Variants in MCPH1 observed in about 807,000 individuals in gnomAD.
MCPH1 encodes the protein microcephalin.
Under a neutral mutation model 84.5 loss-of-function variants are expected in MCPH1, and 104 were observed. That is an observed-to-expected ratio of 1.23 (90% CI 1.05 to 1.45). MCPH1 has a LOEUF of 1.45. Ranked by LOEUF, MCPH1 falls within the 40% of genes most tolerant of loss-of-function variation. The probability of loss-of-function intolerance (pLI) is 0.00; values close to 1 mark genes in which losing one functional copy is unlikely to be tolerated. For missense variants in MCPH1, 1,498 were observed against 1,005.7 expected, an observed-to-expected ratio of 1.49 and a Z score of -6.62; for synonymous variants, 514 against 366.8, an observed-to-expected ratio of 1.40 and a Z score of -4.58.
At chr8:6,494,271 C>T (rs1173699055) in intron 11 of MCPH1, 2 of 152,196 alleles carry the variant, frequency 1.3e-5, no homozygotes, top group African/African-American at 4.8e-5. Context: ...GAATTCAGCT[C>T]TTCCTCAATT....
chr8:6,621,093 C>T, intron 12 of MCPH1: 1 of 350,888 alleles, frequency 2.8e-6, no homozygotes, highest in Non-Finnish European at 5.4e-6. Flanking sequence ...ATCTTGCCGT[C>T]ACTTGCACAC....
chr8:6,461,711 G>T (rs1371579046), intron 9 of MCPH1, among the ~76,000 whole-genome samples: 5 of 152,114 alleles, frequency 3.3e-5, no homozygotes, highest in African/African-American at 9.7e-5. Context: ...GCAGCATGTA[G>T]GTCATTGACA....
intron 2 of MCPH1, among the ~76,000 whole-genome samples, chr8:6,410,811 G>C (rs1422330455): frequency 6.6e-6 from 1 of 152,108 alleles, no homozygotes; most frequent in Non-Finnish European, 1.5e-5. Flanking sequence ...GCATAGTTGG[G>C]ATTCATGGAA....
At chr8:6,587,224 GA>G in intron 12 of MCPH1, among the ~76,000 whole-genome samples, 1 of 152,096 alleles carries the variant, frequency 6.6e-6, no homozygotes, top group Non-Finnish European at 1.5e-5. Context: ...ATGACTCACT[GA>G]AGTCTGGCAA....
At chr8:6,581,316 G>C (rs1827547316) in intron 12 of MCPH1, among the ~76,000 whole-genome samples, 1 of 152,152 alleles carries the variant, frequency 6.6e-6, no homozygotes. Flanking sequence ...CACACACACA[G>C]AATTGCAACC....
At chr8:6,508,164 C>G (rs1348005415) in intron 12 of MCPH1, 1 of 152,130 alleles carries the variant, frequency 6.6e-6, no homozygotes, top group Non-Finnish European at 1.5e-5. Flanking sequence ...AAAAAGACAG[C>G]TGGGGCCGGG....
intron 12 of MCPH1, among the ~76,000 whole-genome samples, chr8:6,509,891 G>A (rs1198713476): frequency 4.6e-5 from 7 of 152,202 alleles, no homozygotes; most frequent in Admixed American, 2.6e-4. Flanking sequence ...TCACAGGACT[G>A]ACTGGGACCT....
chr8:6,564,509 T>C (rs10108504), intron 12 of MCPH1, among the ~76,000 whole-genome samples: 16,933 of 152,180 alleles, frequency 0.11, 1,100 homozygotes, highest in African/African-American at 0.18. Flanking sequence ...TAAAACTTAA[T>C]ACTTCAGAGA....
At chr8:6,569,016 C>A (rs1193619684) in intron 12 of MCPH1, among the ~76,000 whole-genome samples, 4 of 152,212 alleles carry the variant, frequency 2.6e-5, no homozygotes, top group Admixed American at 1.3e-4. Flanking sequence ...GCGCCTGGCA[C>A]ACTAAGCTGG....
chr8:6,576,682 A>ATTTT lies in MCPH1; in HGVS notation c.2215-44730_2215-44727dup, dbSNP rs58486084. ...GCCACCACGCTCTGCTAATTTTTGT[A>ATTTT]TTTTTTTTTTTTTTTTTTTTTTTTT... is the stretch of plus-strand genomic sequence containing the variant. On this transcript the variant is annotated intron_variant, in intron 12 of 13. Transcript: ENST00000344683. Among the ~76,000 whole-genome samples the ATTTT allele has an allele frequency of 4.5e-4, 19 of 42,342 alleles. 2 individuals carry two copies. The highest frequency in any genetic ancestry group is 2.3e-3 in the Admixed American group (6 of 2,624). The allele number at this position is 42,342 out of a possible 152,430, so 27.8% of individuals were successfully genotyped here. A position where few individuals can be genotyped will look rare whatever the true frequency, so the allele number is the denominator to read the frequency against.
chr8:6,431,918 G>T (rs989154817), intron 4 of MCPH1, among the ~76,000 whole-genome samples: 4 of 152,184 alleles, frequency 2.6e-5, no homozygotes, highest in Non-Finnish European at 5.9e-5. Flanking sequence ...CCTGCATTCT[G>T]TTTAGCCAGA....
intron 12 of MCPH1, among the ~76,000 whole-genome samples, chr8:6,609,426 A>G (rs1268237645): frequency 6.6e-6 from 1 of 152,206 alleles, no homozygotes; most frequent in African/African-American, 2.4e-5. Flanking sequence ...GATTCCCAAG[A>G]CGATTATGTT....
At chr8:6,588,771 G>A (rs73509267) in intron 12 of MCPH1, among the ~76,000 whole-genome samples, 3,305 of 152,324 alleles carry the variant, frequency 0.022, 125 homozygotes, top group African/African-American at 0.075. Context: ...CAAGCCTTCT[G>A]CTCCTCTCTC....
intron 4 of MCPH1, among the ~76,000 whole-genome samples, chr8:6,433,818 G>A (rs1197427709): frequency 2.6e-5 from 4 of 151,626 alleles, no homozygotes; most frequent in Admixed American, 6.6e-5. Flanking sequence ...AATTAAACCC[G>A]ACTCAAGGCC....
At chr8:6,452,714 G>A (rs916657591) in intron 8 of MCPH1, among the ~76,000 whole-genome samples, 1 of 152,212 alleles carries the variant, frequency 6.6e-6, no homozygotes, top group East Asian at 1.9e-4. Flanking sequence ...TCTGCCATGT[G>A]AAGACAGCAA....
intron 3 of MCPH1, among the ~76,000 whole-genome samples, chr8:6,427,164 A>G (rs951468883): frequency 6.6e-6 from 1 of 152,230 alleles, no homozygotes; most frequent in Non-Finnish European, 1.5e-5. Context: ...AATATGGTAT[A>G]AAAGATAAAA....
intron 12 of MCPH1, among the ~76,000 whole-genome samples, chr8:6,566,988 CGGTGTGTGAT>C (rs1586658593): frequency 1.4e-5 from 2 of 140,792 alleles, no homozygotes; most frequent in African/African-American, 5.5e-5. Flanking sequence ...GGTGCGGTGA[CGGTGTGTGAT>C]CGGCAAGGCC....
Position 6,546,546 on chromosome 8 carries a change from T to TA in MCPH1, c.2214+46621dup, listed in dbSNP as rs398112155. Among the ~76,000 whole-genome samples, 46 of 151,970 alleles carry TA rather than the reference T, an allele frequency of 3.0e-4. 1 individual carries two copies. The highest frequency in any genetic ancestry group is 2.2e-3 in the Admixed American group (34 of 15,264). ...AGAAAGAAAATAAAGGATCTTTTTT[T>TA]AAAACTCAATTTATATGTATATTGG... On this transcript the variant is annotated intron_variant, in intron 12 of 13. Coordinates refer to ENST00000344683, the MANE Select transcript of MCPH1 (RefSeq NM_024596.5).
chr8:6,492,335 G>C (rs139711161), intron 11 of MCPH1, among the ~76,000 whole-genome samples: 8,603 of 152,028 alleles, frequency 0.057, 577 homozygotes, highest in African/African-American at 0.15. Context: ...TTTTTTTCTT[G>C]TAAATTTGTT....
Sources: gnomAD v4.1 joint callset for allele counts (sites outside exome capture counted in the v4.1 genomes callset) on GRCh38, gnomAD v4.1.1 for gene constraint, MANE v1.5 for transcripts, NCBI Gene and HGNC (gene_info 2026-07-23, HGNC 2026-07-21) for gene names.